Variants in MAP4 observed in about 807,000 individuals in gnomAD.
MAP4 encodes microtubule associated protein 4.
A neutral mutation model predicts 170.2 loss-of-function variants in MAP4; 76 were observed. The observed-to-expected ratio is 0.45, with a 90% confidence interval of 0.37 to 0.54. The LOEUF is 0.54. Ranked by LOEUF, MAP4 falls within the 20% of genes least tolerant of loss-of-function variation. The pLI is 0.00. For synonymous variants in MAP4, 909 were observed against 994.5 expected (o/e 0.91, Z 1.62); for missense variants, 2,506 against 2,748.0 (o/e 0.91, Z 1.97).
chr3:48,017,948 C>G (rs1195576272), upstream of MAP4, among the ~76,000 whole-genome samples: 4 of 152,158 alleles, frequency 2.6e-5, no homozygotes, highest in Admixed American at 6.5e-5. Context: ...CGGGATGAAA[C>G]TCTTCCACCT....
At chr3:48,005,991 A>G (rs550714499) in intron 1 of MAP4, among the ~76,000 whole-genome samples, 1 of 152,352 alleles carries the variant, frequency 6.6e-6, no homozygotes, top group Non-Finnish European at 1.5e-5. Context: ...CAATCAGAAT[A>G]GTCTGACTCA....
At chr3:47,957,335 T>A (rs2100068445) in intron 3 of MAP4, among the ~76,000 whole-genome samples, 1 of 151,268 alleles carries the variant, frequency 6.6e-6, no homozygotes, top group African/African-American at 2.4e-5. Context: ...GCCCGGCTAA[T>A]TTTTTTTGAA....
intron 17 of MAP4, among the ~76,000 whole-genome samples, chr3:47,857,776 T>C (rs1362913890): frequency 6.6e-6 from 1 of 151,544 alleles, no homozygotes; most frequent in Non-Finnish European, 1.5e-5. Context: ...TGGTACGATC[T>C]CAGCTCGCTA....
intron 2 of MAP4, among the ~76,000 whole-genome samples, chr3:47,996,087 AGACCT>A (rs2100095403): frequency 6.6e-6 from 1 of 152,198 alleles, no homozygotes; most frequent in Non-Finnish European, 1.5e-5. Flanking sequence ...TCCATGGTAC[AGACCT>A]GGAGAAGGCC....
intron 1 of MAP4, among the ~76,000 whole-genome samples, chr3:48,068,351 G>C (rs1357578902): frequency 1.3e-5 from 2 of 151,758 alleles, no homozygotes; most frequent in Non-Finnish European, 2.9e-5. Flanking sequence ...TGAATCCTTG[G>C]CTGTGAGTCA....
chr3:47,853,008 G>C (rs1454884400), intron 20 of MAP4, 70 bp from the exon 21 acceptor site: 1 of 1,614,108 alleles, frequency 6.2e-7, no homozygotes, highest in Non-Finnish European at 8.5e-7. Flanking sequence ...GGGGGAGACG[G>C]AAGACGAGAC....
Position 47,912,101 on chromosome 3 carries a change from T to C in MAP4, c.2320A>G (p.Lys774Glu). 6.5e-7 allele frequency: 1 copy of C among 1,535,918 alleles called. No individual in the cohort carries two copies. The highest frequency in any genetic ancestry group is 8.7e-7 in the Non-Finnish European group (1 of 1,146,818). The change falls in exon 9 of 21, where the codon AAA (lysine) becomes GAA (glutamate). Residue 774 changes from lysine (K) to glutamate (E), a missense_variant. Coordinates refer to ENST00000683076, the MANE Select transcript of MAP4 (RefSeq NM_001385682.1). ...TGAGAATATCTCTTTTGCTTTGGTTTCTTCTTCTTTTTCTTCATCATTATT... is the reference window on the plus strand; with the variant it reads ...TGAGAATATCTCTTTTGCTTTGGTTCCTTCTTCTTTTTCTTCATCATTATT... ...TPIMMKKKKK[K>E]PKQKRYSQPR...
intron 1 of MAP4, among the ~76,000 whole-genome samples, chr3:48,010,784 T>C (rs1020613064): frequency 1.4e-4 from 21 of 152,218 alleles, no homozygotes; most frequent in African/African-American, 4.6e-4. Context: ...CCAGCGAATA[T>C]AGAGCAGGAA....
chr3:47,953,771 T>G (rs1478061827), intron 3 of MAP4, among the ~76,000 whole-genome samples: 1 of 152,106 alleles, frequency 6.6e-6, no homozygotes, highest in Admixed American at 6.5e-5. Flanking sequence ...CCCAGTACTT[T>G]GGGAGGCCGA....
At chr3:48,067,723 T>C (rs561445924) in intron 1 of MAP4, among the ~76,000 whole-genome samples, 3 of 149,828 alleles carry the variant, frequency 2.0e-5, no homozygotes, top group Non-Finnish European at 4.4e-5. Flanking sequence ...CACTGCAACC[T>C]CTGCTTCCTG....
At position 47,911,082 on chromosome 3, in the gene MAP4, C is replaced by T; in HGVS notation, c.3339G>A (p.Gln1113=). 6.5e-7 allele frequency: 1 copy of T among 1,536,172 alleles called. No individual in the cohort carries two copies. The highest frequency in any genetic ancestry group is 8.7e-7 in the Non-Finnish European group (1 of 1,146,918). Residue 1113 remains glutamine (Q), a synonymous_variant, in exon 9 of 21, where the codon CAG becomes CAA. Transcript: ENST00000683076. The surrounding 1 kb of genome is among the most constrained non-coding windows in gnomAD (Gnocchi z 4.0). ...TCAGCCCCAGCTCCTCACTCTTATCCTGAGTAGTCATTCCTTCAGTTTTAG... is the reference window on the plus strand; with the variant it reads ...TCAGCCCCAGCTCCTCACTCTTATCTTGAGTAGTCATTCCTTCAGTTTTAG... ...PVSKTEGMTT[Q]DKSEELGLNS...
intron 3 of MAP4, among the ~76,000 whole-genome samples, chr3:47,971,098 A>C (rs941168546): frequency 1.3e-5 from 2 of 152,222 alleles, no homozygotes; most frequent in African/African-American, 4.8e-5. Context: ...TGAACCAAAA[A>C]AACTTTAAGA....
At chr3:48,025,264 A>G (rs1360217108) in intron 1 of MAP4, among the ~76,000 whole-genome samples, 2 of 151,586 alleles carry the variant, frequency 1.3e-5, no homozygotes, top group Non-Finnish European at 2.9e-5. Context: ...AGAAAGCGCT[A>G]ATTTTATTAG....
chr3:47,971,219 G>A (rs1020449171), intron 3 of MAP4, among the ~76,000 whole-genome samples: 1 of 152,208 alleles, frequency 6.6e-6, no homozygotes, highest in African/African-American at 2.4e-5. Flanking sequence ...GAGTTCGGAT[G>A]GATGTCTTGC....
Position 47,911,129 on chromosome 3 carries a change from G to C in MAP4, c.3292C>G (p.Leu1098Val). 1 of 1,536,102 alleles carries C rather than the reference G, an allele frequency of 6.5e-7. No individual in the cohort carries two copies. The highest frequency in any genetic ancestry group is 8.7e-7 in the Non-Finnish European group (1 of 1,146,904). ...LDSQKDGRAV[L>V]IPSEPVSKTE... ...TTAGAGACTGGCTCACTCGGTATGA[G>C]AACAGCCCTTCCGTCCTTCTGGCTG... is the stretch of plus-strand genomic sequence containing the variant. Residue 1098 changes from leucine to valine, a missense_variant, in exon 9 of 21, where the codon CTC becomes GTC. Physicochemically the swap from Leu to Val is conservative, Grantham distance 32. This residue lies in a region of MAP4 where 2,008 missense variants were observed against 2,206.0 expected (regional missense o/e 0.91). Transcript: ENST00000683076. The surrounding 1 kb of genome is among the most constrained non-coding windows in gnomAD (Gnocchi z 4.0).
At position 47,867,591 on chromosome 3, in the gene MAP4, C is replaced by T. The variant is rs141213679; in HGVS notation, c.6409-253G>A. On this transcript the variant is annotated intron_variant, in intron 16 of 20. Coordinates refer to ENST00000683076, the MANE Select transcript of MAP4 (RefSeq NM_001385682.1). ...AGCTGCGCAGGCACTGCATGTTGGT[C>T]ATCACCGCTCCTTTGGGGGCGGGGT... Among the ~76,000 whole-genome samples the T allele has an allele frequency of 3.7e-3, 563 of 152,356 alleles. 2 individuals carry two copies. Among genetic ancestry groups the T allele is most frequent in the African/African-American group, 9.6e-3 (400 of 41,572 alleles).
intron 10 of MAP4, among the ~76,000 whole-genome samples, chr3:47,881,476 A>G (rs868708229): frequency 1.0e-5 from 1 of 97,508 alleles, no homozygotes; most frequent in Non-Finnish European, 2.3e-5. Context: ...ATATATATAT[A>G]TATATATATA....
chr3:48,051,136 G>T (rs2100127613), intron 1 of MAP4, among the ~76,000 whole-genome samples: 2 of 148,432 alleles, frequency 1.3e-5, no homozygotes, highest in South Asian at 4.2e-4. Flanking sequence ...ACTTAGGCTG[G>T]CTGTGGTGGC....
intron 1 of MAP4, among the ~76,000 whole-genome samples, chr3:48,039,646 T>A (rs1197595874): frequency 6.6e-6 from 1 of 152,216 alleles, no homozygotes; most frequent in African/African-American, 2.4e-5. Flanking sequence ...ATTTAGTAAA[T>A]CTGGGTAGGA....
Sources: allele counts gnomAD v4.1 joint callset (sites outside exome capture counted in the v4.1 genomes callset), GRCh38; gene constraint gnomAD v4.1.1; regional missense constraint gnomAD v4.1.1; non-coding constraint Gnocchi (gnomAD v3.1); transcripts MANE v1.5; gene names NCBI Gene and HGNC (gene_info 2026-07-23, HGNC 2026-07-21).